The following DUXA variants were observed in gnomAD, a reference collection of about 807,000 sequenced individuals.
DUXA encodes double homeobox protein A.
Under a neutral mutation model 27.5 loss-of-function variants are expected in DUXA, and 25 were observed. The observed-to-expected ratio is 0.91, with a 90% CI of 0.66 to 1.27. The LOEUF (loss-of-function observed/expected upper bound fraction) is 1.27. Among genes scored for constraint, DUXA ranks in the 50% most tolerant of loss-of-function variants. DUXA has a pLI of 0.00. For synonymous variants in DUXA, 90 were observed against 80.5 expected (o/e 1.12, Z -0.63); for missense variants, 247 against 242.9 (o/e 1.02, Z -0.11).
At chr19:57,159,384 T>A in intron 2 of DUXA, 106 bp from the exon 3 acceptor site, 8 of 958,426 alleles carry the variant, frequency 8.3e-6, no homozygotes, top group Non-Finnish European at 1.2e-5. Flanking sequence ...GGCCCAGGAT[T>A]ATTACTTACT....
At chr19:57,155,408 A>AGAAT (rs765251182) in intron 4 of DUXA, 36 bp from the exon 5 acceptor site, 1 of 1,500,218 alleles carries the variant, frequency 6.7e-7, no homozygotes, top group South Asian at 1.1e-5. Context: ...ATTTAAACAA[A>AGAAT]GAATGTTGTG....
At chr19:57,164,251 C>T (rs547597075) in intron 1 of DUXA, among the ~76,000 whole-genome samples, 2 of 152,288 alleles carry the variant, frequency 1.3e-5, no homozygotes, top group South Asian at 2.1e-4. Flanking sequence ...GTACCCCATA[C>T]ATATATACAC....
chr19:57,154,304 T>C lies in DUXA; in HGVS notation c.*108A>G, dbSNP rs2086979508. ...CATCTGGCCAAGTCCTTTACCATCT[T>C]CAGAAGGCTTAGCTTGCAGTTTCAG... On this transcript the variant is annotated 3_prime_UTR_variant, in exon 6 of 6. Coordinates refer to ENST00000554048, the MANE Select transcript of DUXA (RefSeq NM_001012729.2). 9.5e-7 allele frequency: 1 copy of C among 1,057,682 alleles called. No homozygotes were observed. Among genetic ancestry groups the C allele is most frequent in the South Asian group, 1.4e-5 (1 of 72,300 alleles). 65.5% of individuals were successfully genotyped at this position (1,057,682 alleles called of 1,614,324 possible). A position where few individuals can be genotyped will look rare whatever the true frequency, so the allele number is the denominator to read the frequency against.
intron 5 of DUXA, 43 bp downstream of exon 5, chr19:57,155,224 G>A: frequency 6.4e-7 from 1 of 1,571,056 alleles, no homozygotes; most frequent in South Asian, 1.1e-5. Flanking sequence ...GGACATCCAA[G>A]GGCTCCGCTT....
intron 1 of DUXA, among the ~76,000 whole-genome samples, chr19:57,162,778 G>A (rs1228987835): frequency 1.3e-5 from 2 of 152,026 alleles, no homozygotes; most frequent in African/African-American, 2.4e-5. Flanking sequence ...GTTTCACCAC[G>A]TTGGCCAGAC....
Position 57,154,424 on chromosome 19 carries a change from G to A in DUXA, c.603C>T (p.Ala201=). ...AATTTGACTGTGTTCACCACGTTCT[G>A]GCTCCAGAGAAATGAGAGTCACTAG... The part of the protein sequence containing the change: ...NFTSDSHFSG[A]RTW The change falls in exon 6 of 6, where the codon GCC becomes GCT. Residue 201 remains alanine (A), a synonymous_variant. Transcript: ENST00000554048. The A allele has an allele frequency of 1.2e-6, 2 of 1,613,678 alleles. No homozygotes were observed. Among genetic ancestry groups the A allele is most frequent in the South Asian group, 1.1e-5 (1 of 91,076 alleles).
At chr19:57,157,821 T>C (rs1289660403) in intron 4 of DUXA, among the ~76,000 whole-genome samples, 3 of 151,908 alleles carry the variant, frequency 2.0e-5, no homozygotes, top group Non-Finnish European at 4.4e-5. Context: ...CGAAACCCTG[T>C]CTCTACTAAA....
At chr19:57,160,314 A>G (rs1484654167) in intron 2 of DUXA, among the ~76,000 whole-genome samples, 1 of 152,222 alleles carries the variant, frequency 6.6e-6, no homozygotes. Context: ...GCATCTTCAC[A>G]ATCTGCTGCC....
chr19:57,165,607 C>T (rs1397583140), intron 1 of DUXA, among the ~76,000 whole-genome samples: 1 of 151,508 alleles, frequency 6.6e-6, no homozygotes, highest in Non-Finnish European at 1.5e-5. Flanking sequence ...AGATCGAGAC[C>T]ATCCTGGCTA....
intron 1 of DUXA, among the ~76,000 whole-genome samples, chr19:57,166,559 C>A (rs1486131686): frequency 2.0e-5 from 3 of 152,164 alleles, no homozygotes. Flanking sequence ...CTGCCCACCG[C>A]GGCCTCCCAA....
At chr19:57,165,322 A>ATATATATATGTATAT (rs1484903570) in intron 1 of DUXA, among the ~76,000 whole-genome samples, 1 of 89,106 alleles carries the variant, frequency 1.1e-5, no homozygotes, top group Non-Finnish European at 2.4e-5. Flanking sequence ...AAAAAAAAAA[A>ATATATATATGTATAT]AAATATATAT....
At chr19:57,158,811 C>T (rs544618233) in intron 3 of DUXA, among the ~76,000 whole-genome samples, 12 of 152,228 alleles carry the variant, frequency 7.9e-5, no homozygotes, top group African/African-American at 2.4e-4. Flanking sequence ...GGCGAAACCT[C>T]GTCTCTACTA....
At chr19:57,158,078 G>A (rs956037451) in intron 4 of DUXA, among the ~76,000 whole-genome samples, 1 of 152,122 alleles carries the variant, frequency 6.6e-6, no homozygotes, top group African/African-American at 2.4e-5. Context: ...TTCTCATTGG[G>A]TGTCACGTGC....
At chr19:57,161,444 A>C (rs1386366728) in intron 1 of DUXA, among the ~76,000 whole-genome samples, 2 of 150,232 alleles carry the variant, frequency 1.3e-5, no homozygotes, top group East Asian at 1.9e-4. Flanking sequence ...TAACATGATG[A>C]AACCCCGTCT....
rs553912864 is a variant in DUXA, at chr19:57,159,108, G to A, written c.292+59C>T. The A allele has an allele frequency of 1.5e-4, 218 of 1,449,112 alleles. 1 individual carries two copies. The East Asian group carries it at 3.4e-3, about 22-fold the overall frequency. The allele number at this position is 1,449,112 out of a possible 1,614,324, so 89.8% of individuals were successfully genotyped here. Reference sequence around the variant, plus strand: ...GAGGAGACATTCTTTTTTCAAAGTCGCAGTTGGCTCCGCCGTAGAGAAGCT... The same window carrying A: ...GAGGAGACATTCTTTTTTCAAAGTCACAGTTGGCTCCGCCGTAGAGAAGCT... On this transcript the variant is annotated intron_variant, in intron 3 of 5. Transcript: ENST00000554048.
chr19:57,164,075 T>C (rs1457815502), intron 1 of DUXA, among the ~76,000 whole-genome samples: 3 of 152,130 alleles, frequency 2.0e-5, no homozygotes, highest in Non-Finnish European at 4.4e-5. Flanking sequence ...CCAGTATTAC[T>C]CTGATACTCA....
chr19:57,165,544 G>A (rs868121891), intron 1 of DUXA, among the ~76,000 whole-genome samples: 14 of 150,348 alleles, frequency 9.3e-5, no homozygotes, highest in Non-Finnish European at 1.9e-4. Context: ...GGTGGCTCAC[G>A]CCTGTAATCC....
chr19:57,166,005 A>G (rs17273603), intron 1 of DUXA, among the ~76,000 whole-genome samples: 15,383 of 152,086 alleles, frequency 0.1, 900 homozygotes, highest in East Asian at 0.15. Flanking sequence ...TTCTAAGTGC[A>G]ATAGTTAGGG....
intron 1 of DUXA, among the ~76,000 whole-genome samples, chr19:57,164,009 A>G (rs1291715929): frequency 6.6e-6 from 1 of 152,140 alleles, no homozygotes; most frequent in Non-Finnish European, 1.5e-5. Context: ...TGAGTCCAGG[A>G]GTTCAAGACT....
Sources: gnomAD v4.1 joint callset for allele counts (sites outside exome capture counted in the v4.1 genomes callset) on GRCh38, gnomAD v4.1.1 for gene constraint, MANE v1.5 for transcripts, NCBI Gene and HGNC (gene_info 2026-07-23, HGNC 2026-07-21) for gene names.